Variants in AGAP1 observed in about 807,000 individuals in gnomAD.
AGAP1 encodes arf-GAP with GTPase, ANK repeat and PH domain-containing protein 1.
In AGAP1, 29 loss-of-function variants were observed where a neutral mutation model predicts 105.3. The ratio of observed to expected loss-of-function variants is 0.28; its 90% CI spans 0.21 to 0.38. AGAP1 has a LOEUF of 0.38. Among genes scored for constraint, AGAP1 ranks in the 10% least tolerant of loss-of-function variants. The pLI is 1.00. For missense variants in AGAP1, 998 were observed against 1,165.1 expected, an observed-to-expected ratio of 0.86 and a Z score of 2.09; for synonymous variants, 509 against 485.9, an observed-to-expected ratio of 1.05 and a Z score of -0.63.
chr2:235,763,194 T>C (rs1235300440), intron 6 of AGAP1, among the ~76,000 whole-genome samples: 1 of 151,888 alleles, frequency 6.6e-6, no homozygotes, highest in African/African-American at 2.4e-5. Context: ...CTGGAAATGC[T>C]CCAAAATCCG....
rs1008521269 is a variant in AGAP1, at chr2:235,967,747, G to A, written c.1484-715G>A. Among the ~76,000 whole-genome samples the A allele has an allele frequency of 2.0e-5, 3 of 152,182 alleles. No individual in the cohort carries two copies. Among genetic ancestry groups the A allele is most frequent in the Non-Finnish European group, 2.9e-5 (2 of 68,030 alleles). ...ATGCGCGTTCTGGTCATGTAGTACC[G>A]CTTTGGCCTTCTCTTTGATAAAGAT... On this transcript the variant is annotated intron_variant, in intron 12 of 17. Transcript: ENST00000304032. This position sits in a 1 kb window ranked among gnomAD's most constrained non-coding sequence, Gnocchi z 4.7.
rs1028986560 is a variant in AGAP1, at chr2:235,891,866, C to T, written c.1155+8417C>T. 2.0e-5 allele frequency among the ~76,000 whole-genome samples: 3 copies of T among 152,136 alleles called. No homozygotes were observed. The highest frequency in any genetic ancestry group is 2.9e-5 in the Non-Finnish European group (2 of 68,034). On this transcript the variant is annotated intron_variant, in intron 10 of 17. Transcript: ENST00000304032. This position sits in a 1 kb window ranked among gnomAD's most constrained non-coding sequence, Gnocchi z 4.2. ...AACTGGTCAGACTTTTAAAAAACCTCCTTCTGGCCAGGTGTGGTGGCTCAC... is the reference window on the plus strand; with the variant it reads ...AACTGGTCAGACTTTTAAAAAACCTTCTTCTGGCCAGGTGTGGTGGCTCAC...
intron 9 of AGAP1, among the ~76,000 whole-genome samples, chr2:235,870,028 G>A (rs995679686): frequency 2.6e-5 from 4 of 152,340 alleles, no homozygotes; most frequent in Admixed American, 2.0e-4. Context: ...AGAGGACAGA[G>A]TGATCACACA....
rs949962328 is a variant in AGAP1, at chr2:236,036,026, C to T, written c.1646-535C>T. 2.0e-5 allele frequency among the ~76,000 whole-genome samples: 3 copies of T among 152,010 alleles called. No individual in the cohort carries two copies. Among genetic ancestry groups the T allele is most frequent in the Admixed American group, 6.5e-5 (1 of 15,270 alleles). On this transcript the variant is annotated intron_variant, in intron 13 of 17. Transcript: ENST00000304032. The surrounding 1 kb of genome is among the most constrained non-coding windows in gnomAD (Gnocchi z 5.7). Reference sequence around the variant, plus strand: ...TCAGCTGAGATCCTCCTAAGGCACGCGGGATCCCATGCACTCTCCCTGTCT... The same window carrying T: ...TCAGCTGAGATCCTCCTAAGGCACGTGGGATCCCATGCACTCTCCCTGTCT...
At position 235,959,758 on chromosome 2, in the gene AGAP1, G is replaced by T. The variant is rs1437062284; in HGVS notation, c.1484-8704G>T. 2.6e-5 allele frequency among the ~76,000 whole-genome samples: 4 copies of T among 152,210 alleles called. No homozygotes were observed. Among genetic ancestry groups the T allele is most frequent in the African/African-American group, 7.2e-5 (3 of 41,448 alleles). ...TGCAGCCGGGCCCTCCCACAGGCAA[G>T]CATCTGGAACTAGCACCAGAGCTTC... On this transcript the variant is annotated intron_variant, in intron 12 of 17. Coordinates refer to ENST00000304032, the MANE Select transcript of AGAP1 (RefSeq NM_001037131.3). This position sits in a 1 kb window ranked among gnomAD's most constrained non-coding sequence, Gnocchi z 7.3.
rs1951084267 is a variant in AGAP1, at chr2:235,716,015, G to A, written c.223-1542G>A. 6.6e-6 allele frequency among the ~76,000 whole-genome samples: 1 copy of A among 152,326 alleles called. No homozygotes were observed. The highest frequency in any genetic ancestry group is 2.1e-4 in the South Asian group (1 of 4,828). ...TGGTGGGAGCTAAGTAGGGGCGCCTGGAGCTGGGGTGGACGGCGGCCAGGG... is the reference window on the plus strand; with the variant it reads ...TGGTGGGAGCTAAGTAGGGGCGCCTAGAGCTGGGGTGGACGGCGGCCAGGG... On this transcript the variant is annotated intron_variant, in intron 2 of 17. Transcript: ENST00000304032. This position sits in a 1 kb window ranked among gnomAD's most constrained non-coding sequence, Gnocchi z 4.0.
intron 11 of AGAP1, among the ~76,000 whole-genome samples, chr2:235,924,405 T>C (rs2052343431): frequency 1.3e-5 from 2 of 152,134 alleles, no homozygotes; most frequent in Non-Finnish European, 2.9e-5. Context: ...CTAGACTAGA[T>C]TGTAGGTTCC....
Position 235,883,472 on chromosome 2 carries a change from A to C in AGAP1, c.1155+23A>C, listed in dbSNP as rs1242783057. On this transcript the variant is annotated intron_variant, in intron 10 of 17. Coordinates refer to ENST00000304032, the MANE Select transcript of AGAP1 (RefSeq NM_001037131.3). The surrounding 1 kb of genome is among the most constrained non-coding windows in gnomAD (Gnocchi z 4.5). ...CATGTGAGTATAGCCCCCTCGGAGC[A>C]ATTAACAGCTGCAGACCTCAACTAA... 1.3e-5 allele frequency: 20 copies of C among 1,589,844 alleles called. No homozygotes were observed. The highest frequency in any genetic ancestry group is 1.7e-5 in the Non-Finnish European group (20 of 1,159,184).
At chr2:235,682,776 C>T (rs1330144613) in intron 1 of AGAP1, among the ~76,000 whole-genome samples, 1 of 141,670 alleles carries the variant, frequency 7.1e-6, no homozygotes. Flanking sequence ...TGAGTGAACT[C>T]GATGTGTGGG....
chr2:235,683,901 T>C (rs983231768), intron 1 of AGAP1, among the ~76,000 whole-genome samples: 3 of 140,666 alleles, frequency 2.1e-5, no homozygotes, highest in Admixed American at 7.4e-5. Context: ...CCTGTGTCCA[T>C]GTCTTCTCAT....
rs2124927715 is a variant in AGAP1, at chr2:235,893,099, G to A, written c.1155+9650G>A. Among the ~76,000 whole-genome samples, 1 of 152,314 alleles carries A rather than the reference G, an allele frequency of 6.6e-6. No homozygotes were observed. The highest frequency in any genetic ancestry group is 3.4e-3 in the Middle Eastern group (1 of 294). The stretch of plus-strand genomic sequence containing the variant: ...TTTCATGTGCTGTGTCTGTGGTGCG[G>A]GTGTGCTGTGTCCTCATAAGGGTGC... On this transcript the variant is annotated intron_variant, in intron 10 of 17. Transcript: ENST00000304032. This position sits in a 1 kb window ranked among gnomAD's most constrained non-coding sequence, Gnocchi z 4.7.
chr2:235,560,959 T>C (rs1271454213), intron 1 of AGAP1, among the ~76,000 whole-genome samples: 1 of 152,222 alleles, frequency 6.6e-6, no homozygotes, highest in African/African-American at 2.4e-5. Context: ...GTTTCTCATG[T>C]GTCCTTGAAA....
At chr2:235,647,029 G>A (rs921917113) in intron 1 of AGAP1, among the ~76,000 whole-genome samples, 5 of 151,716 alleles carry the variant, frequency 3.3e-5, no homozygotes, top group African/African-American at 4.8e-5. Flanking sequence ...CCAGCTACTC[G>A]GGAGGCTGAG....
intron 12 of AGAP1, among the ~76,000 whole-genome samples, chr2:235,937,601 G>A (rs188281388): frequency 6.6e-6 from 1 of 152,216 alleles, no homozygotes; most frequent in Non-Finnish European, 1.5e-5. Context: ...AGGGAGTAGA[G>A]AAGGATATTG....
chr2:235,809,337 C>T (rs976536995), intron 9 of AGAP1, among the ~76,000 whole-genome samples: 7 of 152,122 alleles, frequency 4.6e-5, no homozygotes, highest in African/African-American at 1.4e-4. Flanking sequence ...AAAGGAATCT[C>T]GTTGAAATCT....
At chr2:235,684,456 T>C (rs1390306562) in intron 1 of AGAP1, among the ~76,000 whole-genome samples, 1 of 152,194 alleles carries the variant, frequency 6.6e-6, no homozygotes, top group Non-Finnish European at 1.5e-5. Context: ...GAATGTCCCA[T>C]TTACACATTA....
rs2051262538 is a variant in AGAP1, at chr2:235,905,519, G to A, written c.1156-3219G>A. The stretch of plus-strand genomic sequence containing the variant: ...CTTTTCTCTTTTCTTTTCTTTTTGA[G>A]ACAGAGTTTCCCTCTTGTCGCTTAG... On this transcript the variant is annotated intron_variant, in intron 10 of 17. Transcript: ENST00000304032. The surrounding 1 kb of genome is among the most constrained non-coding windows in gnomAD (Gnocchi z 4.2). Among the ~76,000 whole-genome samples the A allele has an allele frequency of 6.6e-6, 1 of 152,080 alleles. No individual in the cohort carries two copies. The highest frequency in any genetic ancestry group is 1.5e-5 in the Non-Finnish European group (1 of 68,018).
At position 235,845,035 on chromosome 2, in the gene AGAP1, C is replaced by T. The variant is rs753616093; in HGVS notation, c.1050+37704C>T. 2.0e-5 allele frequency among the ~76,000 whole-genome samples: 3 copies of T among 152,170 alleles called. No individual in the cohort carries two copies. Among genetic ancestry groups the T allele is most frequent in the South Asian group, 4.1e-4 (2 of 4,824 alleles). ...TTGTCCCCAGGACCTAGTGGGGTCC[C>T]GGCCCAGCAGTGGGGCTCCACATGG... is the stretch of plus-strand genomic sequence containing the variant. On this transcript the variant is annotated intron_variant, in intron 9 of 17. Coordinates refer to ENST00000304032, the MANE Select transcript of AGAP1 (RefSeq NM_001037131.3). The surrounding 1 kb of genome is among the most constrained non-coding windows in gnomAD (Gnocchi z 4.8).
chr2:235,763,031 C>T (rs1954585944), intron 6 of AGAP1, among the ~76,000 whole-genome samples: 1 of 141,434 alleles, frequency 7.1e-6, no homozygotes, highest in Non-Finnish European at 1.5e-5. Flanking sequence ...ATTGTTAAGG[C>T]TCGGGTGTGT....
Sources: gnomAD v4.1 joint callset for allele counts (sites outside exome capture counted in the v4.1 genomes callset) on GRCh38, gnomAD v4.1.1 for gene constraint, Gnocchi (gnomAD v3.1) non-coding constraint, MANE v1.5 for transcripts, NCBI Gene and HGNC (gene_info 2026-07-23, HGNC 2026-07-21) for gene names.